THSD7A: variants seen among roughly 807,000 people sequenced by gnomAD.
THSD7A encodes the protein thrombospondin type-1 domain-containing protein 7A.
In THSD7A, 96 loss-of-function variants were observed where a neutral mutation model predicts 231.3. The observed-to-expected ratio is 0.41, with a 90% CI of 0.35 to 0.49. THSD7A has a LOEUF of 0.49. Ranked by LOEUF, THSD7A falls within the 20% of genes least tolerant of loss-of-function variation. The pLI is 0.05. For synonymous variants in THSD7A, 940 were observed against 743.3 expected (o/e 1.26, Z -4.30); for missense variants, 2,290 against 2,070.2 (o/e 1.11, Z -2.06).
In THSD7A at chr7:11,446,335, G is replaced by A; in HGVS notation, c.2801-11C>T. 1 of 1,603,652 alleles carries A rather than the reference G, an allele frequency of 6.2e-7. No individual in the cohort carries two copies. Among genetic ancestry groups the A allele is most frequent in the Non-Finnish European group, 8.5e-7 (1 of 1,173,624 alleles). ...TCTTTTTACTTTTTCCTGTGGAAGA[G>A]AAACAATCAGGCAATTTAAGTTGGA... On this transcript the variant is annotated splice_polypyrimidine_tract_variant and intron_variant, in intron 12 of 27. Coordinates refer to ENST00000423059, the MANE Select transcript of THSD7A (RefSeq NM_015204.3). The surrounding 1 kb of genome is among the most constrained non-coding windows in gnomAD (Gnocchi z 4.0).
At chr7:11,396,346 C>T (rs999824961) in intron 23 of THSD7A, among the ~76,000 whole-genome samples, 1 of 151,986 alleles carries the variant, frequency 6.6e-6, no homozygotes, top group Non-Finnish European at 1.5e-5. Flanking sequence ...AATCAAGGAG[C>T]TGTTTTTTTG....
At chr7:11,539,089 TAG>T (rs945924600) in intron 6 of THSD7A, among the ~76,000 whole-genome samples, 28 of 152,188 alleles carry the variant, frequency 1.8e-4, no homozygotes, top group African/African-American at 6.5e-4. Context: ...GGCCTAGAGG[TAG>T]AGTCTACAAC....
At chr7:11,480,863 G>A (rs968711171) in intron 7 of THSD7A, among the ~76,000 whole-genome samples, 8 of 151,762 alleles carry the variant, frequency 5.3e-5, no homozygotes, top group African/African-American at 1.9e-4. Flanking sequence ...GATAATTTGG[G>A]GAAAACATAA....
At chr7:11,741,511 G>A (rs548623118) in intron 1 of THSD7A, among the ~76,000 whole-genome samples, 38 of 151,860 alleles carry the variant, frequency 2.5e-4, no homozygotes, top group Admixed American at 6.6e-4. Context: ...ATAAACTCAC[G>A]AGTGGTTTTT....
chr7:11,567,091 C>T (rs1455621602), intron 4 of THSD7A, among the ~76,000 whole-genome samples: 5 of 151,900 alleles, frequency 3.3e-5, no homozygotes, highest in African/African-American at 1.2e-4. Context: ...GCTAATAATC[C>T]TTTAGGGCCC....
At chr7:11,777,520 T>C (rs1162602962) in intron 1 of THSD7A, among the ~76,000 whole-genome samples, 1 of 152,072 alleles carries the variant, frequency 6.6e-6, no homozygotes, top group Non-Finnish European at 1.5e-5. Flanking sequence ...TGCATTTTAA[T>C]ATAATTCAGA....
intron 6 of THSD7A, among the ~76,000 whole-genome samples, chr7:11,529,306 T>G (rs1219901100): frequency 1.3e-5 from 2 of 152,186 alleles, no homozygotes; most frequent in Non-Finnish European, 2.9e-5. Context: ...AGACATTTAT[T>G]TAAGGCCATG....
At chr7:11,791,961 A>G (rs1036761460) in intron 1 of THSD7A, among the ~76,000 whole-genome samples, 2 of 151,888 alleles carry the variant, frequency 1.3e-5, no homozygotes, top group Non-Finnish European at 2.9e-5. Context: ...TATTCATTCC[A>G]TAATTTCACC....
At chr7:11,785,055 C>T (rs1352569458) in intron 1 of THSD7A, among the ~76,000 whole-genome samples, 1 of 152,038 alleles carries the variant, frequency 6.6e-6, no homozygotes, top group East Asian at 1.9e-4. Flanking sequence ...GGTCTTAATT[C>T]CTGCTGCCTA....
intron 4 of THSD7A, among the ~76,000 whole-genome samples, chr7:11,575,433 C>T (rs977702072): frequency 6.6e-6 from 1 of 152,116 alleles, no homozygotes; most frequent in African/African-American, 2.4e-5. Context: ...CCTGGATCCC[C>T]TGTAGAAGTG....
At chr7:11,561,209 A>G (rs978912332) in intron 4 of THSD7A, among the ~76,000 whole-genome samples, 7 of 152,196 alleles carry the variant, frequency 4.6e-5, no homozygotes, top group Non-Finnish European at 7.3e-5. Context: ...CTAGCTAAAT[A>G]CACAGGCACA....
chr7:11,418,669 T>G (rs1784040010), intron 16 of THSD7A, among the ~76,000 whole-genome samples: 1 of 152,186 alleles, frequency 6.6e-6, no homozygotes, highest in Non-Finnish European at 1.5e-5. Flanking sequence ...TTCACAAATC[T>G]CCTCTGCAGA....
Position 11,379,712 on chromosome 7 carries a change from C to G in THSD7A, c.4508G>C (p.Gly1503Ala). ...AGGCTGGCTCATCACCAAGCAGCCC[C>G]CTGCGGAACAGAAAATCATGTTTTG... is the stretch of plus-strand genomic sequence containing the variant. ...CQRSDGINVT[G>A]GCLVMSQPDA... Residue 1503 changes from glycine (G) to alanine (A), a missense_variant and splice_region_variant, in exon 25 of 28, where the codon GGG becomes GCG. Coordinates refer to ENST00000423059, the MANE Select transcript of THSD7A (RefSeq NM_015204.3). 6.3e-7 allele frequency: 1 copy of G among 1,583,576 alleles called. No homozygotes were observed. Among genetic ancestry groups the G allele is most frequent in the South Asian group, 1.2e-5 (1 of 86,618 alleles).
At chr7:11,797,151 C>T (rs943554698) in intron 1 of THSD7A, among the ~76,000 whole-genome samples, 1 of 152,000 alleles carries the variant, frequency 6.6e-6, no homozygotes, top group Non-Finnish European at 1.5e-5. Context: ...ATGTGTATAT[C>T]CCCCAAATAT....
intron 1 of THSD7A, among the ~76,000 whole-genome samples, chr7:11,778,111 C>A (rs1300545515): frequency 3.8e-4 from 53 of 139,320 alleles, no homozygotes; most frequent in Middle Eastern, 4.0e-3. Context: ...GAGCCGAGAT[C>A]CCGCCACTGC....
At chr7:11,417,624 A>T (rs763132973) in intron 16 of THSD7A, 21 bp from the exon 17 acceptor site, 26 of 1,592,092 alleles carry the variant, frequency 1.6e-5, no homozygotes, top group African/African-American at 2.7e-5. Flanking sequence ...ACATAAACAT[A>T]TTCTAGAAAA....
chr7:11,513,152 T>C (rs987080716), intron 6 of THSD7A, among the ~76,000 whole-genome samples: 1 of 150,788 alleles, frequency 6.6e-6, no homozygotes, highest in African/African-American at 2.4e-5. Context: ...CTTTGGGGAC[T>C]TGGGGGGAAG....
At chr7:11,561,386 G>A (rs1191575035) in intron 4 of THSD7A, among the ~76,000 whole-genome samples, 1 of 152,110 alleles carries the variant, frequency 6.6e-6, no homozygotes, top group Non-Finnish European at 1.5e-5. Context: ...GTGCCGCAGT[G>A]AGAAATGGAA....
chr7:11,409,146 G>C (rs1390736688), intron 19 of THSD7A, among the ~76,000 whole-genome samples: 5 of 151,982 alleles, frequency 3.3e-5, no homozygotes, highest in African/African-American at 4.8e-5. Flanking sequence ...TAAGAAATAG[G>C]AAAGAAAAAA....
Sources: gnomAD v4.1 joint callset for allele counts (sites outside exome capture counted in the v4.1 genomes callset) on GRCh38, gnomAD v4.1.1 for gene constraint, Gnocchi (gnomAD v3.1) non-coding constraint, MANE v1.5 for transcripts, NCBI Gene and HGNC (gene_info 2026-07-23, HGNC 2026-07-21) for gene names.